The following PLCB1 variants were observed in gnomAD, a reference collection of about 807,000 sequenced individuals.
PLCB1 encodes the protein 1-phosphatidylinositol 4,5-bisphosphate phosphodiesterase beta-1.
A neutral mutation model predicts 161.8 loss-of-function variants in PLCB1; 46 were observed. The ratio of observed to expected loss-of-function variants is 0.28; its 90% CI spans 0.22 to 0.36. The LOEUF is 0.36. Among genes scored for constraint, PLCB1 ranks in the 10% least tolerant of loss-of-function variants. PLCB1 has a pLI of 1.00. For missense variants in PLCB1, 1,016 were observed against 1,472.5 expected (o/e 0.69, Z 5.07); for synonymous variants, 517 against 503.7 (o/e 1.03, Z -0.35).
chr20:8,159,796 T>A (rs896185812), intron 2 of PLCB1, among the ~76,000 whole-genome samples: 6 of 151,780 alleles, frequency 4.0e-5, no homozygotes, highest in Non-Finnish European at 8.8e-5. Context: ...GGAACCAGCC[T>A]GACCAACATG....
intron 3 of PLCB1, among the ~76,000 whole-genome samples, chr20:8,607,885 T>G (rs1987802780): frequency 6.6e-6 from 1 of 152,216 alleles, no homozygotes; most frequent in African/African-American, 2.4e-5. Context: ...TTTTAAAAGT[T>G]AGATATAAAA....
intron 3 of PLCB1, among the ~76,000 whole-genome samples, chr20:8,540,623 A>G (rs904532727): frequency 7.9e-5 from 12 of 152,028 alleles, no homozygotes; most frequent in Non-Finnish European, 1.5e-4. Flanking sequence ...AAATTACTCC[A>G]CATGTCTAAG....
rs1336127825 is a variant in PLCB1, at chr20:8,740,334, C to T, written c.2309-10C>T. The T allele has an allele frequency of 9.4e-6, 14 of 1,489,116 alleles. No individual in the cohort carries two copies. The highest frequency in any genetic ancestry group is 2.3e-5 in the South Asian group (2 of 86,570). The allele number at this position is 1,489,116 out of a possible 1,614,324, so 92.2% of individuals were successfully genotyped here. A position where few individuals can be genotyped will look rare whatever the true frequency, so the allele number is the denominator to read the frequency against. On this transcript the variant is annotated splice_polypyrimidine_tract_variant and intron_variant, in intron 21 of 31. Coordinates refer to ENST00000338037, the MANE Select transcript of PLCB1 (RefSeq NM_015192.4). ...AATATGTGCTACACAGCATTATTCTCACCTTCCAGGCTATCACTATATCTG... is the reference window on the plus strand; with the variant it reads ...AATATGTGCTACACAGCATTATTCTTACCTTCCAGGCTATCACTATATCTG...
At chr20:8,232,530 T>C (rs773625350) in intron 2 of PLCB1, among the ~76,000 whole-genome samples, 3 of 152,144 alleles carry the variant, frequency 2.0e-5, no homozygotes, top group Admixed American at 6.6e-5. Context: ...TCGAGCCAAG[T>C]AGAGAAGAAC....
chr20:8,767,597 C>T (rs1033910892), intron 26 of PLCB1, among the ~76,000 whole-genome samples: 3 of 152,188 alleles, frequency 2.0e-5, no homozygotes, highest in East Asian at 1.9e-4. Context: ...GTGAGGTTGC[C>T]GTGTGGATTT....
chr20:8,279,359 G>A (rs77632135), intron 2 of PLCB1, among the ~76,000 whole-genome samples: 9 of 152,176 alleles, frequency 5.9e-5, no homozygotes, highest in Non-Finnish European at 1.2e-4. Flanking sequence ...ATTACACTGA[G>A]TGAAGTAAGC....
intron 2 of PLCB1, among the ~76,000 whole-genome samples, chr20:8,186,007 T>G (rs2051900685): frequency 6.6e-6 from 1 of 152,208 alleles, no homozygotes; most frequent in African/African-American, 2.4e-5. Flanking sequence ...ACGTTGTTAG[T>G]AGTATTCCAG....
chr20:8,739,485 G>T (rs1338041819), intron 21 of PLCB1, 125 bp downstream of exon 21: 1 of 657,840 alleles, frequency 1.5e-6, no homozygotes, highest in South Asian at 1.8e-5. Flanking sequence ...TGTAACAAGG[G>T]CGATGAGATT....
chr20:8,820,913 T>C (rs895415557), intron 31 of PLCB1, among the ~76,000 whole-genome samples: 5 of 152,078 alleles, frequency 3.3e-5, no homozygotes, highest in African/African-American at 4.8e-5. Flanking sequence ...CCAATAAGTT[T>C]AAAAGCATGC....
At position 8,379,567 on chromosome 20, in the gene PLCB1, A is replaced by G. The variant is rs556557443; in HGVS notation, c.246+8117A>G. Among the ~76,000 whole-genome samples, 51 of 152,310 alleles carry G rather than the reference A, an allele frequency of 3.3e-4. 1 individual carries two copies. The highest frequency in any genetic ancestry group is 1.2e-3 in the African/African-American group (50 of 41,574). On this transcript the variant is annotated intron_variant, in intron 3 of 31. Coordinates refer to ENST00000338037, the MANE Select transcript of PLCB1 (RefSeq NM_015192.4). ...GGTTGATCCAATTTACATTCCCACC[A>G]ACAGTATAAAAGCATTCCTATTTCT... is the stretch of plus-strand genomic sequence containing the variant.
chr20:8,824,891 A>C (rs1466011701), intron 31 of PLCB1, among the ~76,000 whole-genome samples: 1 of 152,152 alleles, frequency 6.6e-6, no homozygotes, highest in African/African-American at 2.4e-5. Context: ...ATCATAACAC[A>C]CACCCCATAA....
At chr20:8,154,882 G>A (rs181288664) in intron 2 of PLCB1, among the ~76,000 whole-genome samples, 3 of 152,162 alleles carry the variant, frequency 2.0e-5, no homozygotes, top group Admixed American at 2.0e-4. Flanking sequence ...CTAATTTATG[G>A]GTAACAAAAG....
At chr20:8,664,398 C>CT (rs1223358111) in intron 9 of PLCB1, among the ~76,000 whole-genome samples, 1 of 151,918 alleles carries the variant, frequency 6.6e-6, no homozygotes, top group Non-Finnish European at 1.5e-5. Context: ...AGTGCTTTAG[C>CT]TTTTTTTCCT....
At chr20:8,173,244 C>T (rs1276963947) in intron 2 of PLCB1, among the ~76,000 whole-genome samples, 8 of 152,084 alleles carry the variant, frequency 5.3e-5, no homozygotes, top group Non-Finnish European at 1.0e-4. Context: ...TGAGTGACAC[C>T]GGTAAGAGGT....
intron 3 of PLCB1, among the ~76,000 whole-genome samples, chr20:8,617,765 C>A (rs1032735874): frequency 6.6e-6 from 1 of 152,070 alleles, no homozygotes; most frequent in Non-Finnish European, 1.5e-5. Flanking sequence ...ATCTTCCAAT[C>A]GTCTAAACCA....
At chr20:8,365,048 T>C (rs1986662623) in intron 2 of PLCB1, among the ~76,000 whole-genome samples, 1 of 152,190 alleles carries the variant, frequency 6.6e-6, no homozygotes, top group Admixed American at 6.6e-5. Flanking sequence ...GAATGGGAAA[T>C]CTTGCAAGCA....
At chr20:8,283,186 A>T (rs1251371933) in intron 2 of PLCB1, among the ~76,000 whole-genome samples, 1 of 152,228 alleles carries the variant, frequency 6.6e-6, no homozygotes, top group African/African-American at 2.4e-5. Flanking sequence ...GTCTGTGCTC[A>T]GCCACAACAG....
At chr20:8,576,636 C>T (rs1311169509) in intron 3 of PLCB1, among the ~76,000 whole-genome samples, 1 of 152,074 alleles carries the variant, frequency 6.6e-6, no homozygotes, top group Non-Finnish European at 1.5e-5. Flanking sequence ...GAAACAGAAT[C>T]AGAATATAAT....
chr20:8,181,929 A>C (rs539156293), intron 2 of PLCB1, among the ~76,000 whole-genome samples: 18 of 152,204 alleles, frequency 1.2e-4, no homozygotes. Context: ...TGATTGTGCC[A>C]CTGCACTCCA....
Sources: gnomAD v4.1 joint callset for allele counts (sites outside exome capture counted in the v4.1 genomes callset) on GRCh38, gnomAD v4.1.1 for gene constraint, MANE v1.5 for transcripts, NCBI Gene and HGNC (gene_info 2026-07-23, HGNC 2026-07-21) for gene names.